Variants in CEP192 observed in about 807,000 individuals in gnomAD.
CEP192 encodes centrosomal protein 192, also known as centrosomal protein of 192 kDa.
CEP192 carries 151 observed loss-of-function variants against 271.8 expected under a neutral mutation model. That is an observed-to-expected ratio of 0.56 (90% CI 0.49 to 0.64). CEP192 has a LOEUF of 0.64. CEP192 is among the 30% of genes least tolerant of loss of function. The pLI is 0.00. For synonymous variants in CEP192, 995 were observed against 1,076.5 expected (o/e 0.92, Z 1.48); for missense variants, 2,910 against 3,020.5 (o/e 0.96, Z 0.86).
chr18:13,026,966 C>T (rs765829401), intron 9 of CEP192, among the ~76,000 whole-genome samples: 4 of 152,014 alleles, frequency 2.6e-5, no homozygotes, highest in South Asian at 4.1e-4. Flanking sequence ...GTTAGCTGGA[C>T]GTGATGTACC....
At chr18:13,033,265 C>T (rs1290549371) in intron 11 of CEP192, among the ~76,000 whole-genome samples, 2 of 152,050 alleles carry the variant, frequency 1.3e-5, no homozygotes, top group African/African-American at 2.4e-5. Flanking sequence ...GACCAACTAC[C>T]CCAAAATTGG....
In CEP192 at chr18:13,087,240, T is replaced by G; in HGVS notation, c.5840T>G (p.Phe1947Cys). The G allele has an allele frequency of 1.2e-6, 2 of 1,610,080 alleles. No individual in the cohort carries two copies. The highest frequency in any genetic ancestry group is 1.7e-6 in the Non-Finnish European group (2 of 1,176,682). The change falls in exon 31 of 45, where the codon TTT becomes TGT. Residue 1947 changes from phenylalanine (F) to cysteine (C), a missense_variant. By Grantham distance (205) the Phe-to-Cys change is radical. Transcript: ENST00000506447. ...VLLDPKVLRIFPDKFVLKERT... is the reference protein window; with the variant it reads ...VLLDPKVLRICPDKFVLKERT... ...CTGGATCCTAAAGTATTGAGGATTT[T>G]TCCAGATAAATTTGTACTCAAGGAA...
intron 24 of CEP192, 109 bp downstream of exon 24, chr18:13,068,531 A>G: frequency 1.0e-6 from 1 of 994,382 alleles, no homozygotes; most frequent in South Asian, 1.5e-5. Context: ...AAATCTGTCA[A>G]CTATTTTATG....
chr18:12,999,431 G>A lies in CEP192; in HGVS notation c.7G>A (p.Asp3Asn). The A allele has an allele frequency of 6.5e-7, 1 of 1,541,686 alleles. No homozygotes were observed. The highest frequency in any genetic ancestry group is 8.7e-7 in the Non-Finnish European group (1 of 1,143,316). The change falls in exon 2 of 45, where the codon GAT becomes AAT. Residue 3 changes from aspartate (D) to asparagine (N), a missense_variant. Coordinates refer to ENST00000506447, the MANE Select transcript of CEP192 (RefSeq NM_032142.4). ME[D>N]FRGIAEESFP... ...CTTTTGTTATTGCAGTGAGATGGAA[G>A]ATTTTCGAGGTATAGCAGAAGAATC...
chr18:13,061,077 C>T (rs181830431), intron 21 of CEP192, among the ~76,000 whole-genome samples: 1 of 152,268 alleles, frequency 6.6e-6, no homozygotes, highest in East Asian at 1.9e-4. Flanking sequence ...AATCCCAGCA[C>T]TTTAGGAGGC....
intron 9 of CEP192, chr18:13,024,229 A>G (rs1236909805): frequency 6.9e-6 from 3 of 436,040 alleles, no homozygotes; most frequent in Non-Finnish European, 1.4e-5. Flanking sequence ...ATTCCTCTAT[A>G]TCATTATGTA....
At chr18:13,035,668 G>C (rs1298727554) in intron 11 of CEP192, among the ~76,000 whole-genome samples, 1 of 152,156 alleles carries the variant, frequency 6.6e-6, no homozygotes, top group Non-Finnish European at 1.5e-5. Context: ...TCTCTTGGCT[G>C]TCAGATTTGG....
intron 9 of CEP192, among the ~76,000 whole-genome samples, chr18:13,026,860 A>G (rs2035331075): frequency 6.6e-6 from 1 of 152,060 alleles, no homozygotes; most frequent in Non-Finnish European, 1.5e-5. Context: ...GAGTATACCA[A>G]CATCCCTGCC....
intron 9 of CEP192, among the ~76,000 whole-genome samples, chr18:13,022,588 C>T (rs999389123): frequency 1.3e-4 from 19 of 151,908 alleles, no homozygotes; most frequent in African/African-American, 4.6e-4. Flanking sequence ...ACCATGTTGG[C>T]CAGACTGGTC....
At chr18:13,087,668 A>G (rs2038960576) in intron 32 of CEP192, 22 bp downstream of exon 32, 7 of 1,255,122 alleles carry the variant, frequency 5.6e-6, no homozygotes, top group Non-Finnish European at 7.8e-6. Context: ...ATCTTACACA[A>G]TGTTGGGAAC....
rs139135524 is a variant in CEP192, at chr18:13,068,907, C to T, written c.4878C>T (p.Ser1626=). ...FSAKVDIEVD[S]PNPTPVLRSV... The stretch of plus-strand genomic sequence containing the variant: ...CAAAAGTTGATATCGAAGTTGACAG[C>T]CCAAACCCTACGCCCGTTCTTAGAA... The change falls in exon 25 of 45, where the codon AGC becomes AGT. Residue 1626 remains serine, a synonymous_variant. Coordinates refer to ENST00000506447, the MANE Select transcript of CEP192 (RefSeq NM_032142.4). 8,034 of 1,614,102 alleles carry T rather than the reference C, an allele frequency of 5.0e-3. 51 individuals carry two copies. Among genetic ancestry groups the T allele is most frequent in the Non-Finnish European group, 4.8e-3 (5,622 of 1,180,008 alleles).
At chr18:13,086,699 T>C (rs1051484047) in intron 30 of CEP192, among the ~76,000 whole-genome samples, 1 of 151,928 alleles carries the variant, frequency 6.6e-6, no homozygotes, top group Non-Finnish European at 1.5e-5. Context: ...GTGAATATTT[T>C]ACTCTATAAA....
intron 3 of CEP192, among the ~76,000 whole-genome samples, chr18:13,002,309 AGCTCTT>A (rs1568262070): frequency 2.6e-5 from 4 of 151,902 alleles, no homozygotes. Flanking sequence ...AATAAGATTA[AGCTCTT>A]ATTCTATTAC....
At chr18:12,993,138 G>A (rs773742627) in intron 1 of CEP192, among the ~76,000 whole-genome samples, 1 of 152,178 alleles carries the variant, frequency 6.6e-6, no homozygotes, top group Non-Finnish European at 1.5e-5. Flanking sequence ...TGTATTTGAC[G>A]TTAGAAGCAT....
chr18:13,087,469 T>C, intron 31 of CEP192, 62 bp from the exon 32 acceptor site: 1 of 1,012,366 alleles, frequency 9.9e-7, no homozygotes, highest in African/African-American at 1.6e-5. Context: ...GATTGTTGAA[T>C]CAGATTGAAA....
At chr18:13,039,563 G>A (rs2036093371) in intron 13 of CEP192, among the ~76,000 whole-genome samples, 1 of 152,192 alleles carries the variant, frequency 6.6e-6, no homozygotes, top group Non-Finnish European at 1.5e-5. Flanking sequence ...AGGAACCAGG[G>A]TGGCATATTG....
chr18:13,044,169 T>TA (rs2036355318), intron 15 of CEP192, among the ~76,000 whole-genome samples: 3 of 152,188 alleles, frequency 2.0e-5, no homozygotes, highest in Admixed American at 2.0e-4. Flanking sequence ...ATACTCACCT[T>TA]ATATCCAGCA....
In CEP192 at chr18:13,052,893, AGGTGTGAGCT is replaced by A. The variant is rs749396316; in HGVS notation, c.3018-25_3018-16del. 2.4e-5 allele frequency: 36 copies of A among 1,523,772 alleles called. No homozygotes were observed. In the African/African-American group the frequency reaches 4.9e-4, roughly 21 times the overall value. 94.4% of individuals were successfully genotyped at this position (1,523,772 alleles called of 1,614,324 possible). A position where few individuals can be genotyped will look rare whatever the true frequency, so the allele number is the denominator to read the frequency against. ...GATAGTTGAAGGACTGGAGAACTCC[AGGTGTGAGCT>A]ACTCTTCTCTTTCAGGTGTGCGTTA... On this transcript the variant is annotated splice_polypyrimidine_tract_variant and intron_variant, in intron 17 of 44. Transcript: ENST00000506447.
At position 13,111,958 on chromosome 18, in the gene CEP192, A is replaced by C. The variant is rs142185702; in HGVS notation, c.7048-1628A>C. ...ACCCACTAAGATGGCTGTGAGTTTT[A>C]AAAAAACAGAAAATAACAGGTGTTG... On this transcript the variant is annotated intron_variant, in intron 40 of 44. Transcript: ENST00000506447. 5.9e-3 allele frequency among the ~76,000 whole-genome samples: 894 copies of C among 152,180 alleles called. 9 individuals carry two copies. Among genetic ancestry groups the C allele is most frequent in the African/African-American group, 0.021 (860 of 41,430 alleles).
Sources: gnomAD v4.1 joint callset for allele counts (sites outside exome capture counted in the v4.1 genomes callset) on GRCh38, gnomAD v4.1.1 for gene constraint, MANE v1.5 for transcripts, NCBI Gene and HGNC (gene_info 2026-07-23, HGNC 2026-07-21) for gene names.